The following DGKB variants were observed in gnomAD, a reference collection of about 807,000 sequenced individuals.
DGKB encodes the protein diacylglycerol kinase beta.
DGKB carries 67 observed loss-of-function variants against 114.3 expected under a neutral mutation model. That is an observed-to-expected ratio of 0.59 (90% CI 0.48 to 0.72). The LOEUF (loss-of-function observed/expected upper bound fraction) is 0.72, where lower values mean the gene tolerates loss of function less well. Ranked by LOEUF, DGKB falls within the 30% of genes least tolerant of loss-of-function variation. The pLI, the probability that DGKB is intolerant of heterozygous loss-of-function variation, is 0.00. For synonymous variants in DGKB, 398 were observed against 323.1 expected, an observed-to-expected ratio of 1.23 and a Z score of -2.49; for missense variants, 907 against 975.2, an observed-to-expected ratio of 0.93 and a Z score of 0.93.
At chr7:14,899,534 A>G (rs1028080934) in intron 1 of DGKB, among the ~76,000 whole-genome samples, 1 of 152,046 alleles carries the variant, frequency 6.6e-6, no homozygotes, top group African/African-American at 2.4e-5. Context: ...GCCTTCCACT[A>G]TATGATTCCC....
At chr7:14,946,206 A>G (rs1415909944) in intron 1 of DGKB, among the ~76,000 whole-genome samples, 1 of 151,506 alleles carries the variant, frequency 6.6e-6, no homozygotes, top group Non-Finnish European at 1.5e-5. Flanking sequence ...GTTTTATTCC[A>G]TATAGGTTCT....
intron 2 of DGKB, among the ~76,000 whole-genome samples, chr7:14,831,441 G>A (rs1285742948): frequency 6.6e-6 from 1 of 152,040 alleles, no homozygotes; most frequent in Non-Finnish European, 1.5e-5. Flanking sequence ...TTGGGAGACA[G>A]AGATTATAAC....
At chr7:14,309,764 T>C (rs1805065377) in intron 23 of DGKB, among the ~76,000 whole-genome samples, 1 of 152,222 alleles carries the variant, frequency 6.6e-6, no homozygotes, top group Non-Finnish European at 1.5e-5. Context: ...AAATACTGAA[T>C]GTCAAATACC....
chr7:14,523,784 A>G (rs1325226818), intron 20 of DGKB, among the ~76,000 whole-genome samples: 1 of 152,178 alleles, frequency 6.6e-6, no homozygotes, highest in African/African-American at 2.4e-5. Flanking sequence ...TAGTAGAAAG[A>G]GCTTAAGTTT....
chr7:14,210,471 C>A (rs1162318083), intron 23 of DGKB, among the ~76,000 whole-genome samples: 1 of 152,024 alleles, frequency 6.6e-6, no homozygotes, highest in Non-Finnish European at 1.5e-5. Context: ...ATTTTAAAAT[C>A]CTATTTCTAA....
At chr7:14,444,659 G>A (rs1208017730) in intron 21 of DGKB, among the ~76,000 whole-genome samples, 1 of 151,834 alleles carries the variant, frequency 6.6e-6, no homozygotes, top group Admixed American at 6.6e-5. Context: ...TTTGATATCA[G>A]TCAGACATTT....
chr7:14,716,644 A>G (rs1054190391), intron 6 of DGKB, among the ~76,000 whole-genome samples: 3 of 152,220 alleles, frequency 2.0e-5, no homozygotes, highest in Admixed American at 6.6e-5. Flanking sequence ...TAACTTTTAC[A>G]TATGCAATTT....
chr7:14,390,675 A>T (rs912685751), intron 21 of DGKB, among the ~76,000 whole-genome samples: 2 of 152,174 alleles, frequency 1.3e-5, no homozygotes, highest in African/African-American at 2.4e-5. Context: ...ACATTTCTTT[A>T]ACAAAACAAA....
chr7:14,364,551 A>ATCATCTTGCTAATCATCTTGCTAATCAT (rs1816324415), intron 21 of DGKB, among the ~76,000 whole-genome samples: 3 of 152,082 alleles, frequency 2.0e-5, no homozygotes, highest in Non-Finnish European at 4.4e-5. Context: ...TCTTGCTAAT[A>ATCATCTTGCTAATCATCTTGCTAATCAT]CTTAGGTAAA....
In DGKB at chr7:14,685,240, C is replaced by A; in HGVS notation, c.829+5G>T. On this transcript the variant is annotated splice_donor_5th_base_variant and intron_variant, in intron 10 of 25. Transcript: ENST00000402815. ...ATGATGTCCAGGCAGAGCAAATGTA[C>A]TCACAGGAACAGCAGAGGCCCTGCT... The A allele has an allele frequency of 6.2e-7, 1 of 1,600,720 alleles. No homozygotes were observed. The highest frequency in any genetic ancestry group is 1.1e-5 in the South Asian group (1 of 90,776).
intron 23 of DGKB, among the ~76,000 whole-genome samples, chr7:14,180,846 C>G (rs986541822): frequency 6.6e-6 from 1 of 152,090 alleles, no homozygotes; most frequent in Non-Finnish European, 1.5e-5. Context: ...CAGACTTCCT[C>G]ACCTCACATT....
intron 21 of DGKB, among the ~76,000 whole-genome samples, chr7:14,362,018 G>T (rs577579088): frequency 9.8e-4 from 149 of 152,024 alleles, no homozygotes; most frequent in African/African-American, 3.3e-3. Flanking sequence ...ATCAAATTCT[G>T]AATATTATTG....
At chr7:14,307,274 G>C (rs142352163) in intron 23 of DGKB, among the ~76,000 whole-genome samples, 5 of 145,024 alleles carry the variant, frequency 3.4e-5, no homozygotes, top group African/African-American at 1.3e-4. Context: ...TAAAACAAAA[G>C]AATTTTAATA....
chr7:14,424,390 C>G (rs1255239064), intron 21 of DGKB, among the ~76,000 whole-genome samples: 1 of 146,556 alleles, frequency 6.8e-6, no homozygotes, highest in African/African-American at 2.5e-5. Flanking sequence ...TCCACCTGTC[C>G]CATTTTCTTC....
chr7:14,422,462 T>C (rs1301659105), intron 21 of DGKB, among the ~76,000 whole-genome samples: 1 of 152,096 alleles, frequency 6.6e-6, no homozygotes, highest in Non-Finnish European at 1.5e-5. Context: ...CTTAAACCCA[T>C]GTACATTTTA....
At chr7:14,839,743 C>A (rs1024370665) in intron 2 of DGKB, among the ~76,000 whole-genome samples, 4 of 151,858 alleles carry the variant, frequency 2.6e-5, no homozygotes, top group Non-Finnish European at 4.4e-5. Flanking sequence ...AGTGTGAGAA[C>A]CATAAGTTAT....
At position 14,682,764 on chromosome 7, in the gene DGKB, T is replaced by C; in HGVS notation, c.907A>G (p.Arg303Gly). ...SCIKTYVKSKRNTDVMHHYWV... is the reference protein window; with the variant it reads ...SCIKTYVKSKGNTDVMHHYWV... ...GCACACAAACTTACATCAGTGTTCCTTTTGGACTTCACATAGGTCTTGATG... is the reference window on the plus strand; with the variant it reads ...GCACACAAACTTACATCAGTGTTCCCTTTGGACTTCACATAGGTCTTGATG... Residue 303 changes from arginine to glycine, a missense_variant, in exon 11 of 26, where the codon AGG becomes GGG. Physicochemically the swap from Arg to Gly is moderately radical, Grantham distance 125. This residue lies in a region of DGKB where 814 missense variants were observed against 856.6 expected (regional missense o/e 0.95). Coordinates refer to ENST00000402815, the MANE Select transcript of DGKB (RefSeq NM_001350709.2). The C allele has an allele frequency of 6.2e-7, 1 of 1,612,126 alleles. No homozygotes were observed. Among genetic ancestry groups the C allele is most frequent in the Non-Finnish European group, 8.5e-7 (1 of 1,178,756 alleles).
chr7:14,162,390 G>A (rs762415641), intron 25 of DGKB, among the ~76,000 whole-genome samples: 2 of 152,098 alleles, frequency 1.3e-5, no homozygotes, highest in East Asian at 1.9e-4. Context: ...GCAAACTAAT[G>A]ACAAAATTCT....
chr7:14,660,945 C>A (rs546397608), intron 13 of DGKB, among the ~76,000 whole-genome samples: 3,223 of 150,028 alleles, frequency 0.021, 32 homozygotes, highest in South Asian at 0.031. Flanking sequence ...GAAAAACAAG[C>A]AATGGGGAAA....
Sources: gnomAD v4.1 joint callset for allele counts (sites outside exome capture counted in the v4.1 genomes callset) on GRCh38, gnomAD v4.1.1 for gene constraint, gnomAD v4.1.1 regional missense constraint, MANE v1.5 for transcripts, NCBI Gene and HGNC (gene_info 2026-07-23, HGNC 2026-07-21) for gene names.